The following ESR1 variants were observed in gnomAD, a reference collection of about 807,000 sequenced individuals.
The protein encoded by ESR1 is estrogen receptor 1.
ESR1 carries 12 observed loss-of-function variants against 52.7 expected under a neutral mutation model. The observed-to-expected ratio is 0.23, with a 90% confidence interval of 0.15 to 0.37. The LOEUF (loss-of-function observed/expected upper bound fraction) is 0.37, where lower values mean the gene tolerates loss of function less well. Among genes scored for constraint, ESR1 ranks in the 10% least tolerant of loss-of-function variants. The pLI is 1.00. For missense variants in ESR1, 584 were observed against 779.7 expected (o/e 0.75, Z 2.99); for synonymous variants, 305 against 316.8 (o/e 0.96, Z 0.39).
chr6:151,963,113 C>A lies in ESR1; in HGVS notation c.1096+18605C>A, dbSNP rs1466327296. Among the ~76,000 whole-genome samples the A allele has an allele frequency of 3.9e-5, 6 of 152,034 alleles. No individual in the cohort carries two copies. In the East Asian group the frequency reaches 9.7e-4, roughly 24 times the overall value. On this transcript the variant is annotated intron_variant, in intron 4 of 7. Coordinates refer to ENST00000206249, the MANE Select transcript of ESR1 (RefSeq NM_000125.4). ...CTTCCCCCCTCCCTCCCTTCCTTTG[C>A]TCTTGCTCTTGATTTTGGAGGCTTG...
At chr6:151,733,597 TG>T (rs1782421135) in intron 2 of ESR1, among the ~76,000 whole-genome samples, 1 of 152,200 alleles carries the variant, frequency 6.6e-6, no homozygotes, top group Non-Finnish European at 1.5e-5. Context: ...AAATTTGTGT[TG>T]TCCCCAGTTT....
chr6:152,022,689 G>A (rs187663194), intron 5 of ESR1, among the ~76,000 whole-genome samples: 1 of 152,222 alleles, frequency 6.6e-6, no homozygotes, highest in Non-Finnish European at 1.5e-5. Flanking sequence ...GAAAAAGGAT[G>A]GGCCGGGTGC....
intron 2 of ESR1, among the ~76,000 whole-genome samples, chr6:151,712,025 G>T (rs1780653051): frequency 6.6e-6 from 1 of 152,122 alleles, no homozygotes; most frequent in South Asian, 2.1e-4. Flanking sequence ...TTTGTATAAG[G>T]TGTAAGGAAG....
chr6:152,092,803 C>T (rs1423357950), intron 6 of ESR1, among the ~76,000 whole-genome samples: 1 of 152,210 alleles, frequency 6.6e-6, no homozygotes, highest in Non-Finnish European at 1.5e-5. Flanking sequence ...ATACTTCTTA[C>T]TTCACGGTCA....
intron 4 of ESR1, among the ~76,000 whole-genome samples, chr6:152,001,598 T>C (rs2041949278): frequency 6.6e-6 from 1 of 152,058 alleles, no homozygotes; most frequent in Non-Finnish European, 1.5e-5. Flanking sequence ...AGAGTGGCTA[T>C]TTAATGACCT....
chr6:151,876,327 G>A (rs766844331), intron 2 of ESR1, among the ~76,000 whole-genome samples: 1 of 152,126 alleles, frequency 6.6e-6, no homozygotes, highest in Non-Finnish European at 1.5e-5. Flanking sequence ...AAGTCTTGAT[G>A]GACAGGGGCA....
At chr6:152,089,266 A>G (rs911650594) in intron 6 of ESR1, among the ~76,000 whole-genome samples, 3 of 152,352 alleles carry the variant, frequency 2.0e-5, no homozygotes, top group Admixed American at 2.0e-4. Context: ...ATAGGAGGCA[A>G]CAACAATATT....
At chr6:151,792,358 C>G (rs902307842) in intron 2 of ESR1, among the ~76,000 whole-genome samples, 1 of 151,966 alleles carries the variant, frequency 6.6e-6, no homozygotes, top group Admixed American at 6.5e-5. Flanking sequence ...ACTTAGGATA[C>G]ACTAAATTTA....
intron 5 of ESR1, among the ~76,000 whole-genome samples, chr6:152,048,859 G>GA (rs2046445411): frequency 6.6e-6 from 1 of 152,156 alleles, no homozygotes; most frequent in Admixed American, 6.5e-5. Context: ...ATATAACATA[G>GA]AACTCTCTTC....
At chr6:151,757,134 T>C (rs1347674161) in intron 2 of ESR1, among the ~76,000 whole-genome samples, 1 of 152,144 alleles carries the variant, frequency 6.6e-6, no homozygotes, top group Non-Finnish European at 1.5e-5. Flanking sequence ...ACATCAGAAC[T>C]GTCTAACCTC....
chr6:151,827,749 T>G (rs537503524), intron 1 of ESR1, among the ~76,000 whole-genome samples: 2 of 152,334 alleles, frequency 1.3e-5, no homozygotes, highest in East Asian at 3.9e-4. Flanking sequence ...CTGATGAAAT[T>G]TCCTGAGGGG....
chr6:151,945,911 G>T (rs2035648227), intron 4 of ESR1, among the ~76,000 whole-genome samples: 1 of 152,188 alleles, frequency 6.6e-6, no homozygotes, highest in African/African-American at 2.4e-5. Context: ...CACCATTTTG[G>T]TGGTTGAGTG....
At chr6:152,033,338 C>G (rs1054179487) in intron 5 of ESR1, among the ~76,000 whole-genome samples, 2 of 152,142 alleles carry the variant, frequency 1.3e-5, no homozygotes, top group Non-Finnish European at 2.9e-5. Context: ...AGAGAAACTA[C>G]CATCAGAGTG....
intron 5 of ESR1, among the ~76,000 whole-genome samples, chr6:152,015,115 A>G (rs1282158548): frequency 6.6e-6 from 1 of 152,096 alleles, no homozygotes; most frequent in Non-Finnish European, 1.5e-5. Context: ...ATGAATCACT[A>G]TTACAAGTGT....
intron 1 of ESR1, among the ~76,000 whole-genome samples, chr6:151,817,188 A>G (rs1487633374): frequency 6.6e-6 from 1 of 152,224 alleles, no homozygotes; most frequent in East Asian, 1.9e-4. Context: ...AATCACCCAG[A>G]TGATTAAAAA....
At chr6:152,109,436 C>T (rs1408268539) in intron 6 of ESR1, among the ~76,000 whole-genome samples, 2 of 151,346 alleles carry the variant, frequency 1.3e-5, no homozygotes, top group East Asian at 1.9e-4. Context: ...GAGGCCAAGG[C>T]GGGCGGATCA....
At chr6:152,127,701 G>C (rs1246321290) in exon 7 of ESR1, 2 of 152,104 alleles carry the variant, frequency 1.3e-5, no homozygotes, top group Non-Finnish European at 2.9e-5. Context: ...TGCCTTAGAG[G>C]GGAGAGGCTC....
intron 6 of ESR1, among the ~76,000 whole-genome samples, chr6:152,124,190 C>A (rs1036070774): frequency 5.9e-5 from 9 of 152,144 alleles, no homozygotes; most frequent in African/African-American, 2.2e-4. Context: ...CCTGTAGTCC[C>A]AGTCACTTGG....
chr6:151,721,910 A>G (rs748412526), intron 2 of ESR1, among the ~76,000 whole-genome samples: 1 of 152,236 alleles, frequency 6.6e-6, no homozygotes, highest in African/African-American at 2.4e-5. Context: ...CTGGATGTAC[A>G]TGCCAAATAT....
Sources: gnomAD v4.1 joint callset for allele counts (sites outside exome capture counted in the v4.1 genomes callset) on GRCh38, gnomAD v4.1.1 for gene constraint, MANE v1.5 for transcripts, NCBI Gene and HGNC (gene_info 2026-07-23, HGNC 2026-07-21) for gene names.